LTBP2: variants seen among roughly 807,000 people sequenced by gnomAD.
LTBP2 encodes the protein latent-transforming growth factor beta-binding protein 2.
In LTBP2, 103 loss-of-function variants were observed where a neutral mutation model predicts 210.6. The observed-to-expected ratio is 0.49, with a 90% CI of 0.42 to 0.58. LTBP2 has a LOEUF of 0.58. Ranked by LOEUF, LTBP2 falls within the 20% of genes least tolerant of loss-of-function variation. LTBP2 has a pLI of 0.00. For missense variants in LTBP2, 2,313 were observed against 2,494.5 expected (o/e 0.93, Z 1.55); for synonymous variants, 1,007 against 1,015.0 (o/e 0.99, Z 0.15).
chr14:74,510,276 A>C (rs2087053767), intron 19 of LTBP2, 63 bp from the exon 20 acceptor site: 2 of 1,604,270 alleles, frequency 1.2e-6, no homozygotes, highest in Admixed American at 3.3e-5. Flanking sequence ...CCCCGCTGGC[A>C]GGCTCCAAGC....
Position 74,503,278 on chromosome 14 carries a change from C to A in LTBP2, c.4829G>T (p.Cys1610Phe). The change falls in exon 33 of 36, where the codon TGC becomes TTC. Residue 1610 changes from cysteine to phenylalanine, a missense_variant. By Grantham distance (205) the Cys-to-Phe change is radical. This residue lies in a region of LTBP2 where 443 missense variants were observed against 501.4 expected (regional missense o/e 0.88). Coordinates refer to ENST00000261978, the MANE Select transcript of LTBP2 (RefSeq NM_000428.3). ...RGHRTTYTECCCQDGEAWSQQ... is the reference protein window; with the variant it reads ...RGHRTTYTECFCQDGEAWSQQ... ...GCTCCAGGCCTCGCCGTCCTGGCAG[C>A]AGCATTCCGTGTAGGTGGTGCGGTG... The A allele has an allele frequency of 6.2e-7, 1 of 1,614,068 alleles. No individual in the cohort carries two copies.
chr14:74,503,949 T>G lies in LTBP2; in HGVS notation c.4559A>C (p.Asp1520Ala). ...ACCCTCACACTTCTTGTGGGAAGCA[T>G]CGTAGTGGAAGCCGGGATTGCACAG... ...VCLCNPGFHY[D>A]ASHKKCEDHD... is the part of the protein sequence containing the mutation. Residue 1520 changes from aspartate (D) to alanine (A), a missense_variant, in exon 31 of 36, where the codon GAT becomes GCT. By Grantham distance (126) the Asp-to-Ala change is moderately radical. Coordinates refer to ENST00000261978, the MANE Select transcript of LTBP2 (RefSeq NM_000428.3). 1 of 1,614,072 alleles carries G rather than the reference T, an allele frequency of 6.2e-7. No individual in the cohort carries two copies. The highest frequency in any genetic ancestry group is 2.2e-5 in the East Asian group (1 of 44,872).
chr14:74,575,221 C>G (rs1333484773), intron 3 of LTBP2, among the ~76,000 whole-genome samples: 3 of 152,228 alleles, frequency 2.0e-5, no homozygotes, highest in Non-Finnish European at 4.4e-5. Context: ...CCGTGGCCTG[C>G]TCAGGGCCTG....
Position 74,555,496 on chromosome 14 carries a change from T to A in LTBP2, c.1021+7A>T, listed in dbSNP as rs1490125040. Reference sequence around the variant, plus strand: ...CTCTTCTAGGACCCAAGACAGGGTATCCTTACCCCAGGGGGATGAGGGGTG... The same window carrying A: ...CTCTTCTAGGACCCAAGACAGGGTAACCTTACCCCAGGGGGATGAGGGGTG... On this transcript the variant is annotated splice_region_variant and intron_variant, in intron 4 of 35. Coordinates refer to ENST00000261978, the MANE Select transcript of LTBP2 (RefSeq NM_000428.3). 2 of 1,613,462 alleles carry A rather than the reference T, an allele frequency of 1.2e-6. No individual in the cohort carries two copies. Among genetic ancestry groups the A allele is most frequent in the Admixed American group, 1.7e-5 (1 of 59,978 alleles).
At chr14:74,594,670 G>C (rs888434558) in intron 2 of LTBP2, among the ~76,000 whole-genome samples, 3 of 152,196 alleles carry the variant, frequency 2.0e-5, no homozygotes, top group African/African-American at 4.8e-5. Context: ...CCTGGAATCT[G>C]CTTACTGGGG....
intron 1 of LTBP2, among the ~76,000 whole-genome samples, chr14:74,607,889 T>C (rs1221444710): frequency 6.6e-6 from 1 of 152,108 alleles, no homozygotes; most frequent in Non-Finnish European, 1.5e-5. Flanking sequence ...TGTCAAAATA[T>C]TAAGGTTTGA....
chr14:74,509,375 C>G lies in LTBP2; in HGVS notation c.3278-12G>C, dbSNP rs1358834219. ...ACACTCATCTAGGTCTGCAGACAGACAGCGCTCGCCCGGGGACCTAGGAGG... is the reference window on the plus strand; with the variant it reads ...ACACTCATCTAGGTCTGCAGACAGAGAGCGCTCGCCCGGGGACCTAGGAGG... On this transcript the variant is annotated splice_polypyrimidine_tract_variant and intron_variant, in intron 21 of 35. Transcript: ENST00000261978. 1 of 1,613,098 alleles carries G rather than the reference C, an allele frequency of 6.2e-7. No homozygotes were observed. The highest frequency in any genetic ancestry group is 1.1e-5 in the South Asian group (1 of 91,076).
At chr14:74,504,615 A>G (rs1256170373) in intron 30 of LTBP2, among the ~76,000 whole-genome samples, 163 bp downstream of exon 30, 3 of 152,190 alleles carry the variant, frequency 2.0e-5, no homozygotes, top group Non-Finnish European at 2.9e-5. Context: ...TTGAGTCAGA[A>G]CTTCCAGCTA....
Position 74,503,712 on chromosome 14 carries a change from C to T in LTBP2, c.4583-106G>A, listed in dbSNP as rs2139688231. On this transcript the variant is annotated intron_variant, in intron 31 of 35. Transcript: ENST00000261978. ...CTGATAATGAAGAGTTAGTGCCCTG[C>T]CTCCCTCCCCTCAACCCAGCCCAGC... The T allele has an allele frequency of 2.7e-6, 4 of 1,482,780 alleles. No homozygotes were observed. The East Asian group carries it at 9.9e-5, about 37-fold the overall frequency. The allele number at this position is 1,482,780 out of a possible 1,614,324, so 91.9% of individuals were successfully genotyped here. A position where few individuals can be genotyped will look rare whatever the true frequency, so the allele number is the denominator to read the frequency against.
chr14:74,611,557 G>C lies in LTBP2; in HGVS notation c.388C>G (p.Gln130Glu). 6.4e-7 allele frequency: 1 copy of C among 1,574,506 alleles called. No homozygotes were observed. Reference protein sequence around the residue: ...QTRRSTPLGQQQPAPRTRAAP... With the variant: ...QTRRSTPLGQEQPAPRTRAAP... ...GCCCGGGTCCGGGGTGCTGGTTGCT[G>C]CTGGCCCAGGGGAGTGCTTCTCCGG... The change falls in exon 1 of 36, where the codon CAG becomes GAG. Residue 130 changes from glutamine (Q) to glutamate (E), a missense_variant. Physicochemically the swap from Gln to Glu is conservative, Grantham distance 29. Transcript: ENST00000261978.
intron 7 of LTBP2, among the ~76,000 whole-genome samples, chr14:74,550,740 C>T (rs1305053881): frequency 6.6e-6 from 1 of 152,210 alleles, no homozygotes; most frequent in Non-Finnish European, 1.5e-5. Context: ...CCCCACTGGT[C>T]CATGTGCCAG....
At chr14:74,601,063 T>TA (rs35545238) in intron 2 of LTBP2, among the ~76,000 whole-genome samples, 14 of 152,108 alleles carry the variant, frequency 9.2e-5, no homozygotes, top group Non-Finnish European at 1.9e-4. Flanking sequence ...GGGATGCTGT[T>TA]AAAAAAATTA....
chr14:74,564,061 T>A (rs12892083), intron 3 of LTBP2, among the ~76,000 whole-genome samples: 68 of 28,138 alleles, frequency 2.4e-3, no homozygotes, highest in African/African-American at 5.6e-3. Flanking sequence ...ATATATATAT[T>A]TATATATATA....
intron 2 of LTBP2, among the ~76,000 whole-genome samples, chr14:74,593,989 T>A (rs1164509561): frequency 6.6e-6 from 1 of 152,184 alleles, no homozygotes; most frequent in African/African-American, 2.4e-5. Context: ...CACGTTCATA[T>A]CATTCATCCC....
intron 17 of LTBP2, 74 bp downstream of exon 17, chr14:74,521,837 G>A: frequency 6.3e-7 from 1 of 1,595,950 alleles, no homozygotes; most frequent in Non-Finnish European, 8.6e-7. Flanking sequence ...GTTTGGGGGT[G>A]TGAACCCCTG....
intron 3 of LTBP2, among the ~76,000 whole-genome samples, chr14:74,581,948 C>A (rs1167828447): frequency 6.6e-6 from 1 of 152,108 alleles, no homozygotes; most frequent in Non-Finnish European, 1.5e-5. Context: ...CCCAGCCACC[C>A]CACTCAGGGC....
chr14:74,533,530 C>T (rs2087378198), intron 9 of LTBP2, among the ~76,000 whole-genome samples: 1 of 152,064 alleles, frequency 6.6e-6, no homozygotes, highest in Admixed American at 6.6e-5. Flanking sequence ...GGAGGGAGGA[C>T]CCTGGTAAGG....
intron 3 of LTBP2, among the ~76,000 whole-genome samples, chr14:74,583,582 G>A (rs1024776254): frequency 1.3e-5 from 2 of 152,336 alleles, no homozygotes; most frequent in Non-Finnish European, 2.9e-5. Flanking sequence ...CCTGCTGTGG[G>A]CCAGAGACCT....
intron 28 of LTBP2, 122 bp from the exon 29 acceptor site, chr14:74,505,296 A>C (rs1046762630): frequency 9.5e-7 from 1 of 1,050,908 alleles, no homozygotes; most frequent in Non-Finnish European, 1.4e-6. Context: ...AAATTCTGTT[A>C]CCTGTATTAC....
Sources: gnomAD v4.1 joint callset for allele counts (sites outside exome capture counted in the v4.1 genomes callset) on GRCh38, gnomAD v4.1.1 for gene constraint, gnomAD v4.1.1 regional missense constraint, MANE v1.5 for transcripts, NCBI Gene and HGNC (gene_info 2026-07-23, HGNC 2026-07-21) for gene names.